The following PIP5K1C variants were observed in gnomAD, a reference collection of about 807,000 sequenced individuals.
The protein encoded by PIP5K1C is phosphatidylinositol 4-phosphate 5-kinase type-1 gamma.
In PIP5K1C, 45 loss-of-function variants were observed where a neutral mutation model predicts 80.1. The observed-to-expected ratio is 0.56, with a 90% CI of 0.44 to 0.72. The LOEUF (loss-of-function observed/expected upper bound fraction) is 0.72, where lower values mean the gene tolerates loss of function less well. PIP5K1C is among the 30% of genes least tolerant of loss of function. The probability of loss-of-function intolerance (pLI) is 0.00; values close to 1 mark genes in which losing one functional copy is unlikely to be tolerated. For synonymous variants in PIP5K1C, 498 were observed against 420.1 expected, an observed-to-expected ratio of 1.19 and a Z score of -2.27; for missense variants, 753 against 954.6, an observed-to-expected ratio of 0.79 and a Z score of 2.78.
At chr19:3,683,961 C>T (rs1382843657) in intron 1 of PIP5K1C, among the ~76,000 whole-genome samples, 2 of 150,548 alleles carry the variant, frequency 1.3e-5, no homozygotes, top group Non-Finnish European at 3.0e-5. Context: ...CTTCCTCTCC[C>T]GGGCAGTCCC....
chr19:3,647,511 A>G, intron 9 of PIP5K1C, 125 bp from the exon 10 acceptor site: 3 of 828,508 alleles, frequency 3.6e-6, no homozygotes, highest in Non-Finnish European at 6.0e-6. Flanking sequence ...GTGGCTGTCA[A>G]AACTCAGGGT....
chr19:3,684,465 T>C (rs552194376), intron 1 of PIP5K1C, among the ~76,000 whole-genome samples: 41 of 152,316 alleles, frequency 2.7e-4, no homozygotes, highest in Admixed American at 2.5e-3. Flanking sequence ...AATTCTTCCA[T>C]CAGCCTCTGC....
At chr19:3,686,981 T>C (rs1244836857) in intron 1 of PIP5K1C, among the ~76,000 whole-genome samples, 2 of 152,016 alleles carry the variant, frequency 1.3e-5, no homozygotes, top group African/African-American at 4.8e-5. Context: ...TAGCCTAAGG[T>C]CGGCAGTTCG....
intron 3 of PIP5K1C, among the ~76,000 whole-genome samples, chr19:3,663,010 A>G (rs539621192): frequency 6.6e-6 from 1 of 151,744 alleles, no homozygotes; most frequent in African/African-American, 2.4e-5. Flanking sequence ...ACAGGCACGC[A>G]CCAGCACACC....
chr19:3,684,301 A>G (rs1361805911), intron 1 of PIP5K1C, among the ~76,000 whole-genome samples: 1 of 152,216 alleles, frequency 6.6e-6, no homozygotes, highest in Non-Finnish European at 1.5e-5. Context: ...CATCCAGCGC[A>G]CAATCTCACA....
At chr19:3,638,115 T>A (rs1366242499) in intron 16 of PIP5K1C, 3 of 1,366,500 alleles carry the variant, frequency 2.2e-6, no homozygotes, top group Non-Finnish European at 2.9e-6. Flanking sequence ...GGGTGCAGGG[T>A]GAGAACAAAC....
intron 5 of PIP5K1C, among the ~76,000 whole-genome samples, chr19:3,659,207 G>A (rs992586032): frequency 2.0e-5 from 3 of 152,204 alleles, no homozygotes; most frequent in South Asian, 4.1e-4. Flanking sequence ...ACACTAGCCC[G>A]TCCTCCCGCT....
chr19:3,640,143 A>C (rs1049541320), intron 15 of PIP5K1C, among the ~76,000 whole-genome samples: 11 of 152,346 alleles, frequency 7.2e-5, no homozygotes, highest in African/African-American at 2.6e-4. Flanking sequence ...TCTCAGGCAA[A>C]AATCATTACA....
intron 1 of PIP5K1C, 24 bp from the exon 2 acceptor site, chr19:3,667,377 T>A (rs1451233986): frequency 1.2e-6 from 2 of 1,612,716 alleles, no homozygotes; most frequent in Non-Finnish European, 1.7e-6. Context: ...AAGCTGGGTA[T>A]CAGACAGGAA....
intron 16 of PIP5K1C, among the ~76,000 whole-genome samples, chr19:3,634,761 C>T (rs912339773): frequency 2.6e-5 from 4 of 152,216 alleles, no homozygotes; most frequent in African/African-American, 9.6e-5. Flanking sequence ...CCTCCATGCT[C>T]CCTCTAAAGG....
At chr19:3,659,177 C>T (rs984040399) in intron 5 of PIP5K1C, among the ~76,000 whole-genome samples, 2 of 152,224 alleles carry the variant, frequency 1.3e-5, no homozygotes, top group East Asian at 3.9e-4. Flanking sequence ...AGCTCAGGGG[C>T]CCTGTGGACA....
chr19:3,678,217 AG>A (rs1174207208), intron 1 of PIP5K1C, among the ~76,000 whole-genome samples: 1 of 102,636 alleles, frequency 9.7e-6, no homozygotes. Flanking sequence ...GGAGAGATGG[AG>A]GGACGGAGGG....
intron 16 of PIP5K1C, chr19:3,636,766 C>T (rs1490117329): frequency 1.2e-5 from 12 of 986,424 alleles, no homozygotes; most frequent in East Asian, 2.3e-4. Flanking sequence ...ACGGCGGCCT[C>T]GGCGGAGGCT....
chr19:3,693,692 G>A (rs902617504), intron 1 of PIP5K1C, among the ~76,000 whole-genome samples: 3 of 148,952 alleles, frequency 2.0e-5, no homozygotes, highest in East Asian at 2.0e-4. Flanking sequence ...GACCCAGGTC[G>A]TGCAGCTTCC....
chr19:3,657,130 G>A (rs1213391584), intron 5 of PIP5K1C, among the ~76,000 whole-genome samples: 1 of 152,140 alleles, frequency 6.6e-6, no homozygotes, highest in Non-Finnish European at 1.5e-5. Context: ...CCCCACTCTG[G>A]CCCCTGGCAC....
intron 8 of PIP5K1C, among the ~76,000 whole-genome samples, chr19:3,650,596 T>C (rs567938439): frequency 6.3e-4 from 96 of 152,258 alleles, no homozygotes; most frequent in African/African-American, 2.3e-3. Flanking sequence ...TCACATCCAG[T>C]GTCCCAGGAG....
At chr19:3,685,057 C>T (rs796410950) in intron 1 of PIP5K1C, among the ~76,000 whole-genome samples, 4 of 152,174 alleles carry the variant, frequency 2.6e-5, no homozygotes, top group African/African-American at 7.2e-5. Context: ...AGCATTAACT[C>T]ACTCAACTTG....
At chr19:3,667,585 G>C (rs1024474720) in intron 1 of PIP5K1C, among the ~76,000 whole-genome samples, 1 of 152,266 alleles carries the variant, frequency 6.6e-6, no homozygotes, top group African/African-American at 2.4e-5. Context: ...AGCCACTGGG[G>C]CCTAGAGCAG....
chr19:3,653,435 T>C lies in PIP5K1C; in HGVS notation c.776A>G (p.Tyr259Cys). The change falls in exon 7 of 18, where the codon TAC becomes TGC. Residue 259 changes from tyrosine (Y) to cysteine (C), a missense_variant. Physicochemically the swap from Tyr to Cys is radical, Grantham distance 194 (BLOSUM62 -2). Transcript: ENST00000335312. ...CTCCTTCTTGCTGGCGCGCCGCTTG[T>C]AGGTGGAGCCCTTGAGGTCGAACTT... ...HLKFDLKGST[Y>C]KRRASKKEKE... 6.2e-7 allele frequency: 1 copy of C among 1,613,608 alleles called. No homozygotes were observed. The highest frequency in any genetic ancestry group is 8.5e-7 in the Non-Finnish European group (1 of 1,180,014).
Sources: gnomAD v4.1 joint callset for allele counts (sites outside exome capture counted in the v4.1 genomes callset) on GRCh38, gnomAD v4.1.1 for gene constraint, MANE v1.5 for transcripts, NCBI Gene and HGNC (gene_info 2026-07-23, HGNC 2026-07-21) for gene names.